Variants in ANO5 observed in about 807,000 individuals in gnomAD.
The protein encoded by ANO5 is anoctamin 5.
ANO5 carries 109 observed loss-of-function variants against 121.0 expected under a neutral mutation model. The ratio of observed to expected loss-of-function variants is 0.90; its 90% CI spans 0.77 to 1.06. The LOEUF is 1.06. ANO5 is among the 50% of genes least tolerant of loss of function. The pLI is 0.00. For synonymous variants in ANO5, 406 were observed against 359.9 expected (o/e 1.13, Z -1.45); for missense variants, 1,064 against 1,078.5 (o/e 0.99, Z 0.19).
Position 22,227,466 on chromosome 11 carries a change from A to G in ANO5, c.528A>G (p.Pro176=). The change falls in exon 7 of 22, where the codon CCA becomes CCG. Residue 176 remains proline (P), a synonymous_variant. Coordinates refer to ENST00000324559, the MANE Select transcript of ANO5 (RefSeq NM_213599.3). ...ISYVLGPVRL[P]LSVKYPHPEY... ...ATGTGCTTGGACCTGTAAGACTCCC[A>G]CTGAGTGTGAAGTATCCCCATCCTG... is the stretch of plus-strand genomic sequence containing the variant. 1 of 1,613,588 alleles carries G rather than the reference A, an allele frequency of 6.2e-7. No homozygotes were observed. Among genetic ancestry groups the G allele is most frequent in the Non-Finnish European group, 8.5e-7 (1 of 1,179,770 alleles).
At chr11:22,263,736 T>C (rs1590308367) in intron 17 of ANO5, among the ~76,000 whole-genome samples, 1 of 152,174 alleles carries the variant, frequency 6.6e-6, no homozygotes, top group Non-Finnish European at 1.5e-5. Flanking sequence ...TGGCATGCAA[T>C]ACAAAGTGGA....
At position 22,283,014 on chromosome 11, in the gene ANO5, C is replaced by T. The variant is rs935992468; in HGVS notation, c.*3249C>T. On this transcript the variant is annotated 3_prime_UTR_variant, in exon 22 of 22. Coordinates refer to ENST00000324559, the MANE Select transcript of ANO5 (RefSeq NM_213599.3). The stretch of plus-strand genomic sequence containing the variant: ...TTTTTCTAGACAAATTTTGACTCTT[C>T]TACTTTTATGTGTAATAATTCCAGT... The T allele has an allele frequency of 6.6e-6, 1 of 151,856 alleles. No homozygotes were observed. The highest frequency in any genetic ancestry group is 1.5e-5 in the Non-Finnish European group (1 of 67,752). The allele number at this position is 151,856 out of a possible 1,614,324, so 9.4% of individuals were successfully genotyped here. A position where few individuals can be genotyped will look rare whatever the true frequency, so the allele number is the denominator to read the frequency against.
At chr11:22,258,308 TCTA>T (rs1221851417) in intron 14 of ANO5, among the ~76,000 whole-genome samples, 29 of 152,340 alleles carry the variant, frequency 1.9e-4, no homozygotes, top group Admixed American at 1.3e-4. Context: ...TCTTGTTAAA[TCTA>T]CTATTTTCAT....
chr11:22,276,929 ATTG>A (rs1358011656), intron 21 of ANO5, among the ~76,000 whole-genome samples: 21 of 150,706 alleles, frequency 1.4e-4, no homozygotes, highest in South Asian at 8.3e-4. Flanking sequence ...GTTTTTTTTT[ATTG>A]TTATCAAGGT....
intron 9 of ANO5, among the ~76,000 whole-genome samples, chr11:22,243,335 T>G (rs1853497327): frequency 6.6e-6 from 1 of 152,086 alleles, no homozygotes; most frequent in Non-Finnish European, 1.5e-5. Flanking sequence ...GTTGACAACT[T>G]TTGTGTCTGT....
chr11:22,263,121 G>T lies in ANO5; in HGVS notation c.1898+78G>T, dbSNP rs1455596315. On this transcript the variant is annotated intron_variant, in intron 17 of 21. Coordinates refer to ENST00000324559, the MANE Select transcript of ANO5 (RefSeq NM_213599.3). Reference sequence around the variant, plus strand: ...CCTCTAGAAGAAGATGGAATTTTTTGATTACCATGGTGCCTTTGTTAGAAA... The same window carrying T: ...CCTCTAGAAGAAGATGGAATTTTTTTATTACCATGGTGCCTTTGTTAGAAA... The T allele has an allele frequency of 1.1e-5, 13 of 1,211,326 alleles. No individual in the cohort carries two copies. In the East Asian group the frequency reaches 2.6e-4, roughly 24 times the overall value. The allele number at this position is 1,211,326 out of a possible 1,614,324, so 75.0% of individuals were successfully genotyped here. A position where few individuals can be genotyped will look rare whatever the true frequency, so the allele number is the denominator to read the frequency against.
chr11:22,236,179 C>T lies in ANO5; in HGVS notation c.665C>T (p.Ser222Leu). 6.2e-7 allele frequency: 1 copy of T among 1,612,086 alleles called. No homozygotes were observed. Among genetic ancestry groups the T allele is most frequent in the Non-Finnish European group, 8.5e-7 (1 of 1,178,508 alleles). The change falls in exon 8 of 22, where the codon TCA (serine) becomes TTA (leucine). Residue 222 changes from serine to leucine, a missense_variant. By Grantham distance (145) the Ser-to-Leu change is moderately radical. Transcript: ENST00000324559. ...SRNRIVYYILSRCPFGIEDGK... is the reference protein window; with the variant it reads ...SRNRIVYYILLRCPFGIEDGK... ...ACCTTGTAGGTGTACTATATTCTCT[C>T]AAGATGTCCTTTTGGCATAGAAGAT... is the stretch of plus-strand genomic sequence containing the variant.
intron 19 of ANO5, among the ~76,000 whole-genome samples, chr11:22,273,751 T>C (rs183437939): frequency 6.6e-6 from 1 of 152,076 alleles, no homozygotes; most frequent in Admixed American, 6.5e-5. Flanking sequence ...AGAGCTAGTT[T>C]ACTGGAAAGA....
At chr11:22,253,244 C>T (rs939558613) in intron 12 of ANO5, among the ~76,000 whole-genome samples, 12 of 151,894 alleles carry the variant, frequency 7.9e-5, no homozygotes, top group East Asian at 3.9e-4. Context: ...CACAAAAGTC[C>T]GTAGAAATCA....
chr11:22,216,162 T>C (rs1193280117), intron 3 of ANO5, among the ~76,000 whole-genome samples: 1 of 151,830 alleles, frequency 6.6e-6, no homozygotes, highest in South Asian at 2.1e-4. Context: ...GTAAGAAGTG[T>C]TTTTAGAGAT....
intron 2 of ANO5, among the ~76,000 whole-genome samples, chr11:22,204,700 A>T (rs1187440083): frequency 6.6e-6 from 1 of 152,084 alleles, no homozygotes; most frequent in Non-Finnish European, 1.5e-5. Flanking sequence ...GAAATAACAG[A>T]TGCTGGTGAG....
chr11:22,211,386 G>T, intron 3 of ANO5, 72 bp downstream of exon 3: 1 of 1,469,810 alleles, frequency 6.8e-7, no homozygotes. Flanking sequence ...CTGCAATGAT[G>T]ATACTCTTTT....
intron 5 of ANO5, among the ~76,000 whole-genome samples, chr11:22,223,505 G>A (rs1043222827): frequency 4.6e-5 from 7 of 151,972 alleles, no homozygotes; most frequent in Non-Finnish European, 1.0e-4. Context: ...ACTCCCAGAA[G>A]GAAAGCAGAT....
At chr11:22,261,077 T>C (rs561165464) in intron 15 of ANO5, 1 of 152,312 alleles carries the variant, frequency 6.6e-6, no homozygotes, top group East Asian at 1.9e-4. Flanking sequence ...TTAAACCTGA[T>C]TGTAAAACAG....
intron 13 of ANO5, 29 bp downstream of exon 13, chr11:22,255,551 C>T: frequency 1.2e-6 from 2 of 1,610,330 alleles, no homozygotes; most frequent in African/African-American, 1.3e-5. Flanking sequence ...AAACGGACAG[C>T]ATATCTCAAT....
rs61880871 is a variant in ANO5 at position 22,218,117 on chromosome 11, A to T, written c.139-129A>T. The T allele has an allele frequency of 1.2e-3, 357 of 298,084 alleles. 1 individual carries two copies. Among genetic ancestry groups the T allele is most frequent in the Non-Finnish European group, 1.7e-3 (295 of 171,016 alleles). 18.5% of individuals were successfully genotyped at this position (298,084 alleles called of 1,614,324 possible). On this transcript the variant is annotated intron_variant, in intron 3 of 21. Transcript: ENST00000324559. ...TTTGTATCCTCCAGTTTGAAATATC[A>T]CACACACACACACACACACACACTT...
At position 22,227,503 on chromosome 11, in the gene ANO5, G is replaced by T; in HGVS notation, c.565G>T (p.Ala189Ser). 1 of 1,613,484 alleles carries T rather than the reference G, an allele frequency of 6.2e-7. No homozygotes were observed. Among genetic ancestry groups the T allele is most frequent in the East Asian group, 2.2e-5 (1 of 44,840 alleles). Residue 189 changes from alanine (A) to serine (S), a missense_variant, in exon 7 of 22, where the codon GCA becomes TCA. Physicochemically the swap from Ala to Ser is moderately conservative, Grantham distance 99. Transcript: ENST00000324559. Reference sequence around the variant, plus strand: ...GTATCCCCATCCTGAATATTTTACTGCACAATTCAGCAGACATCGGCAGGA... The same window carrying T: ...GTATCCCCATCCTGAATATTTTACTTCACAATTCAGCAGACATCGGCAGGA... ...VKYPHPEYFT[A>S]QFSRHRQELF...
At chr11:22,248,890 A>G (rs555306016) in intron 9 of ANO5, among the ~76,000 whole-genome samples, 1 of 152,170 alleles carries the variant, frequency 6.6e-6, no homozygotes, top group East Asian at 1.9e-4. Flanking sequence ...TTAAAAATAG[A>G]CATGGTAAAC....
rs1164899738 is a variant in ANO5, at chr11:22,239,175, C to T, written c.763-394C>T. Among the ~76,000 whole-genome samples, 5 of 152,098 alleles carry T rather than the reference C, an allele frequency of 3.3e-5. No individual in the cohort carries two copies. The East Asian group carries it at 9.7e-4, about 29-fold the overall frequency. On this transcript the variant is annotated intron_variant, in intron 8 of 21. Transcript: ENST00000324559. ...TAGCAGTATGACTTTGGATTAGTTG[C>T]TTAATGTTCCTTGAAGTTTAATTTT... is the stretch of plus-strand genomic sequence containing the variant.
Sources: allele counts gnomAD v4.1 joint callset (sites outside exome capture counted in the v4.1 genomes callset), GRCh38; gene constraint gnomAD v4.1.1; transcripts MANE v1.5; gene names NCBI Gene and HGNC (gene_info 2026-07-23, HGNC 2026-07-21).